MT4: variants seen among roughly 807,000 people sequenced by gnomAD.
MT4 encodes metallothionein-4.
In MT4, 11 loss-of-function variants were observed where a neutral mutation model predicts 9.5. The observed-to-expected ratio is 1.16, with a 90% CI of 0.73 to 1.92. MT4 has a LOEUF of 1.92. MT4 is among the 30% of genes most tolerant of loss of function. The pLI is 0.00. For synonymous variants in MT4, 29 were observed against 24.6 expected (o/e 1.18, Z -0.53); for missense variants, 88 against 78.7 (o/e 1.12, Z -0.45).
At position 56,568,271 on chromosome 16, in the gene MT4, GAGAAAGAAAGAAAGAAAGAA is replaced by G. The variant is rs58324349; in HGVS notation, c.97+503_98-503del. On this transcript the variant is annotated intron_variant, in intron 2 of 2. Transcript: ENST00000219162. Reference sequence around the variant, plus strand: ...AGAAAGAAAGAAAGAGAGAGAGAGAGAGAAAGAAAGAAAGAAAGAAAGAAAGAAAGAAAGAAAGAAAGAAA... The same window carrying G: ...AGAAAGAAAGAAAGAGAGAGAGAGAGAGAAAGAAAGAAAGAAAGAAAGAAA... Among the ~76,000 whole-genome samples, 202 of 58,652 alleles carry G rather than the reference GAGAAAGAAAGAAAGAAAGAA, an allele frequency of 3.4e-3. 1 individual carries two copies. Among genetic ancestry groups the G allele is most frequent in the African/African-American group, 0.011 (190 of 17,660 alleles). The allele number at this position is 58,652 out of a possible 152,430, so 38.5% of individuals were successfully genotyped here.
intron 1 of MT4, among the ~76,000 whole-genome samples, chr16:56,566,789 A>AGAAGGAAGGAAGGAAGGAAGGAAGGAAG (rs1959533602): frequency 4.3e-4 from 13 of 30,394 alleles, no homozygotes; most frequent in South Asian, 1.7e-3. Flanking sequence ...AAAGAAAGAA[A>AGAAGGAAGGAAGGAAGGAAGGAAGGAAG]GAAAGAAAGA....
chr16:56,568,875 A>G lies in MT4; in HGVS notation c.132A>G (p.Lys44=). ...CCPCCPPGCA[K]CARGCICKGG... is the part of the protein sequence containing the mutation. Reference sequence around the variant, plus strand: ...CCTGCTGCCCCCCGGGCTGTGCCAAATGTGCCCGGGGCTGCATCTGCAAAG... The same window carrying G: ...CCTGCTGCCCCCCGGGCTGTGCCAAGTGTGCCCGGGGCTGCATCTGCAAAG... The change falls in exon 3 of 3, where the codon AAA becomes AAG. Residue 44 remains lysine (K), a synonymous_variant. Transcript: ENST00000219162. 6 of 1,608,524 alleles carry G rather than the reference A, an allele frequency of 3.7e-6. No homozygotes were observed. Among genetic ancestry groups the G allele is most frequent in the Non-Finnish European group, 5.1e-6 (6 of 1,177,174 alleles).
At chr16:56,567,682 G>T (rs1160050246) in intron 1 of MT4, 69 bp from the exon 2 acceptor site, 3 of 1,442,074 alleles carry the variant, frequency 2.1e-6, no homozygotes, top group East Asian at 2.3e-5. Context: ...CTGACAGTCG[G>T]CATCATGCCT....
rs564180508 is a variant in MT4 at position 56,567,924 on chromosome 16, G to A, written c.97+108G>A. The A allele has an allele frequency of 8.8e-4, 732 of 829,216 alleles. 12 individuals carry two copies. Among genetic ancestry groups the A allele is most frequent in the South Asian group, 5.2e-3 (355 of 68,670 alleles). 51.4% of individuals were successfully genotyped at this position (829,216 alleles called of 1,614,324 possible). On this transcript the variant is annotated intron_variant, in intron 2 of 2. Coordinates refer to ENST00000219162, the MANE Select transcript of MT4 (RefSeq NM_032935.3). ...TCCCAGCACTTTGGGAGGCCGAGGCGGGTGGATTACCTGAGGTCAGGAGTT... is the reference window on the plus strand; with the variant it reads ...TCCCAGCACTTTGGGAGGCCGAGGCAGGTGGATTACCTGAGGTCAGGAGTT...
intron 2 of MT4, among the ~76,000 whole-genome samples, chr16:56,568,325 GAAA>G: frequency 6.7e-6 from 1 of 150,226 alleles, no homozygotes. Context: ...AAGAAAGAAA[GAAA>G]GAAAGAAAGA....
chr16:56,568,271 G>GAGAAGAAAGAAAGAA, intron 2 of MT4, among the ~76,000 whole-genome samples: 1 of 58,650 alleles, frequency 1.7e-5, no homozygotes, highest in South Asian at 8.3e-4. Context: ...GAGAGAGAGA[G>GAGAAGAAAGAAAGAA]AGAAAGAAAG....
intron 1 of MT4, among the ~76,000 whole-genome samples, chr16:56,566,814 GAAAGAAAAGAAAGAAAGAAAGAAAGAA>G (rs1959538271): frequency 2.2e-5 from 1 of 45,850 alleles, no homozygotes; most frequent in African/African-American, 6.7e-5. Flanking sequence ...AAGAAAGAAA[GAAAGAAAAGAAAGAAAGAAAGAAAGAA>G]AGAAAGAAAG....
In MT4 at chr16:56,565,095, G is replaced by T; in HGVS notation, c.-34G>T. 6.2e-7 allele frequency: 1 copy of T among 1,612,362 alleles called. No individual in the cohort carries two copies. The highest frequency in any genetic ancestry group is 8.5e-7 in the Non-Finnish European group (1 of 1,179,206). ...CTCACTCAGCCTCCCTTCCCCAGCC[G>T]TGACAGCACTGGAGCCTTTCGGACA... On this transcript the variant is annotated 5_prime_UTR_variant, in exon 1 of 3. Coordinates refer to ENST00000219162, the MANE Select transcript of MT4 (RefSeq NM_032935.3).
intron 1 of MT4, among the ~76,000 whole-genome samples, chr16:56,566,096 A>C (rs1477510910): frequency 6.6e-6 from 1 of 152,150 alleles, no homozygotes; most frequent in Non-Finnish European, 1.5e-5. Flanking sequence ...AGAAAGAAAG[A>C]AAATGAAGTC....
chr16:56,568,034 TC>T (rs1959559561), intron 2 of MT4, among the ~76,000 whole-genome samples: 1 of 151,442 alleles, frequency 6.6e-6, no homozygotes, highest in Non-Finnish European at 1.5e-5. Context: ...GCACCTGTAA[TC>T]CCAGCTACTC....
In MT4 at chr16:56,565,156, T is replaced by A. The variant is rs774583916; in HGVS notation, c.28T>A (p.Ser10Thr). 6.2e-5 allele frequency: 100 copies of A among 1,612,576 alleles called. No homozygotes were observed. The highest frequency in any genetic ancestry group is 1.0e-4 in the Admixed American group (6 of 59,818). Residue 10 changes from serine (S) to threonine (T), a missense_variant, in exon 1 of 3, where the codon TCT (serine) becomes ACT (threonine). By Grantham distance (58) the Ser-to-Thr change is moderately conservative (BLOSUM62 1). Transcript: ENST00000219162. Reference sequence around the variant, plus strand: ...GGACCCCAGGGAATGTGTCTGCATGTCTGGTGAGTAAAGAAGCCCTCCCTG... The same window carrying A: ...GGACCCCAGGGAATGTGTCTGCATGACTGGTGAGTAAAGAAGCCCTCCCTG... MDPRECVCMSGGICMCGDNC... is the reference protein window; with the variant it reads MDPRECVCMTGGICMCGDNC...
At chr16:56,565,450 G>C (rs1320429285) in intron 1 of MT4, among the ~76,000 whole-genome samples, 2 of 152,216 alleles carry the variant, frequency 1.3e-5, no homozygotes, top group African/African-American at 4.8e-5. Flanking sequence ...AGGGTGAGGA[G>C]AAGAGCTCTA....
At chr16:56,565,262 C>A (rs1959502366) in intron 1 of MT4, 103 bp downstream of exon 1, 1 of 1,318,926 alleles carries the variant, frequency 7.6e-7, no homozygotes. Context: ...TAATTAGGAG[C>A]CACCAATGGG....
chr16:56,568,197 AAGAGAG>A (rs369467435), intron 2 of MT4, among the ~76,000 whole-genome samples: 4,177 of 90,842 alleles, frequency 0.046, 86 homozygotes, highest in South Asian at 0.072. Context: ...GGAAGGAAGG[AAGAGAG>A]AGAGAGAGAG....
intron 1 of MT4, among the ~76,000 whole-genome samples, chr16:56,567,301 G>A (rs1487714481): frequency 6.6e-6 from 1 of 152,112 alleles, no homozygotes; most frequent in African/African-American, 2.4e-5. Context: ...TGGGATTACA[G>A]ACGTGAGCCA....
chr16:56,568,569 T>C (rs1162742718), intron 2 of MT4, among the ~76,000 whole-genome samples: 2 of 152,224 alleles, frequency 1.3e-5, no homozygotes, highest in African/African-American at 2.4e-5. Context: ...CCTGGAGTCA[T>C]GAGCCCTAGG....
intron 1 of MT4, 102 bp from the exon 2 acceptor site, chr16:56,567,649 T>C: frequency 9.3e-7 from 1 of 1,073,504 alleles, no homozygotes; most frequent in Non-Finnish European, 1.4e-6. Flanking sequence ...TCCCCAAGGA[T>C]ATAGCCCAGG....
chr16:56,565,892 C>A (rs1959511687), intron 1 of MT4, among the ~76,000 whole-genome samples: 1 of 150,282 alleles, frequency 6.7e-6, no homozygotes, highest in South Asian at 2.1e-4. Flanking sequence ...AGCGAGACTC[C>A]ATGTCTACAA....
chr16:56,565,793 G>A (rs1205300736), intron 1 of MT4, among the ~76,000 whole-genome samples: 2 of 152,188 alleles, frequency 1.3e-5, no homozygotes, highest in African/African-American at 4.8e-5. Context: ...AGTCTGGGTG[G>A]TGTGGCTCAC....
Sources: gnomAD v4.1 joint callset for allele counts (sites outside exome capture counted in the v4.1 genomes callset) on GRCh38, gnomAD v4.1.1 for gene constraint, MANE v1.5 for transcripts, NCBI Gene and HGNC (gene_info 2026-07-23, HGNC 2026-07-21) for gene names.